The following HERC2 variants were observed in gnomAD, a reference collection of about 807,000 sequenced individuals.
The protein encoded by HERC2 is HECT and RLD domain containing E3 ubiquitin protein ligase 2, also known as E3 ubiquitin-protein ligase HERC2.
Under a neutral mutation model 537.7 loss-of-function variants are expected in HERC2, and 102 were observed. That is an observed-to-expected ratio of 0.19 (90% CI 0.16 to 0.22). The LOEUF (loss-of-function observed/expected upper bound fraction) is 0.22, where lower values mean the gene tolerates loss of function less well. Among genes scored for constraint, HERC2 ranks in the 10% least tolerant of loss-of-function variants. The probability of loss-of-function intolerance (pLI) is 1.00; values close to 1 mark genes in which losing one functional copy is unlikely to be tolerated. For synonymous variants in HERC2, 2,224 were observed against 2,466.2 expected (o/e 0.90, Z 2.91); for missense variants, 4,236 against 6,198.2 (o/e 0.68, Z 10.63).
chr15:28,279,254 T>C (rs929269582), intron 5 of HERC2, among the ~76,000 whole-genome samples: 3 of 151,988 alleles, frequency 2.0e-5, no homozygotes, highest in Non-Finnish European at 2.9e-5. Context: ...CCTCCCAAAG[T>C]GCTGGGATTA....
intron 3 of HERC2, among the ~76,000 whole-genome samples, chr15:28,294,132 T>G (rs1007072934): frequency 6.6e-6 from 1 of 152,180 alleles, no homozygotes; most frequent in African/African-American, 2.4e-5. Flanking sequence ...ACCAAGTAAT[T>G]CTCCAGTTCT....
In HERC2 at chr15:28,196,275, T is replaced by C; in HGVS notation, c.8200A>G (p.Thr2734Ala). Residue 2734 changes from threonine to alanine, a missense_variant, in exon 52 of 93, where the codon ACG becomes GCG. Physicochemically the swap from Thr to Ala is moderately conservative, Grantham distance 58. This residue lies in a region of HERC2 where 606 missense variants were observed against 884.5 expected (regional missense o/e 0.69). Coordinates refer to ENST00000261609, the MANE Select transcript of HERC2 (RefSeq NM_004667.6). ...TTGTGTTTTTTGGTCTTGAAACACG[T>C]TTCACAAAAATCAAAGTCATCACAG... The part of the protein sequence containing the change: ...RNCDDFDFCE[T>A]CFKTKKHNTR... 1 of 1,476,142 alleles carries C rather than the reference T, an allele frequency of 6.8e-7. No homozygotes were observed. Among genetic ancestry groups the C allele is most frequent in the Non-Finnish European group, 9.4e-7 (1 of 1,068,732 alleles). The allele number at this position is 1,476,142 out of a possible 1,614,324, so 91.4% of individuals were successfully genotyped here. A position where few individuals can be genotyped will look rare whatever the true frequency, so the allele number is the denominator to read the frequency against.
chr15:28,263,805 G>A (rs564412596), intron 14 of HERC2, among the ~76,000 whole-genome samples: 29 of 152,132 alleles, frequency 1.9e-4, no homozygotes, highest in African/African-American at 6.7e-4. Flanking sequence ...GCCAAGGCGG[G>A]CGGATCACTT....
chr15:28,160,668 C>G (rs1893500069), intron 69 of HERC2, among the ~76,000 whole-genome samples: 1 of 152,198 alleles, frequency 6.6e-6, no homozygotes, highest in South Asian at 2.1e-4. Flanking sequence ...ATTCCCTGAC[C>G]CCTTGTGCTT....
chr15:28,295,056 A>G (rs1406773065), intron 3 of HERC2, among the ~76,000 whole-genome samples: 1 of 152,066 alleles, frequency 6.6e-6, no homozygotes, highest in Non-Finnish European at 1.5e-5. Flanking sequence ...GCAAATTAAA[A>G]CCACAATGAG....
At chr15:28,243,413 T>C (rs1018591030) in intron 23 of HERC2, among the ~76,000 whole-genome samples, 5 of 152,120 alleles carry the variant, frequency 3.3e-5, no homozygotes, top group Admixed American at 3.3e-4. Context: ...ATTACTTCTG[T>C]TCATCAGAAA....
chr15:28,185,094 T>TA (rs1896176781), intron 56 of HERC2, among the ~76,000 whole-genome samples: 2 of 150,764 alleles, frequency 1.3e-5, no homozygotes, highest in Admixed American at 6.6e-5. Flanking sequence ...CTAGATAAGG[T>TA]AATGTTATAG....
chr15:28,217,446 G>A (rs1041649076), intron 38 of HERC2, among the ~76,000 whole-genome samples: 4 of 152,046 alleles, frequency 2.6e-5, no homozygotes, highest in Non-Finnish European at 4.4e-5. Flanking sequence ...ATGTGCGGAC[G>A]CTCCAGCACA....
intron 44 of HERC2, among the ~76,000 whole-genome samples, chr15:28,208,405 C>A (rs1898720652): frequency 6.6e-6 from 1 of 152,018 alleles, no homozygotes; most frequent in South Asian, 2.1e-4. Context: ...CCACCAGAAC[C>A]TTCTTTCCCT....
At chr15:28,149,454 C>T (rs1445822544) in intron 70 of HERC2, among the ~76,000 whole-genome samples, 3 of 149,960 alleles carry the variant, frequency 2.0e-5, no homozygotes, top group African/African-American at 4.9e-5. Flanking sequence ...GGCTCCTAAC[C>T]GAGAACGTCA....
chr15:28,263,291 C>G (rs2075463024), intron 14 of HERC2, 122 bp from the exon 15 acceptor site: 1 of 1,075,030 alleles, frequency 9.3e-7, no homozygotes, highest in East Asian at 2.6e-5. Context: ...ACATAGTTAA[C>G]ACTACAAGGG....
At chr15:28,220,776 A>C in intron 36 of HERC2, 132 bp from the exon 37 acceptor site, 1 of 696,576 alleles carries the variant, frequency 1.4e-6, no homozygotes, top group Non-Finnish European at 2.5e-6. Flanking sequence ...AGCAGACCTC[A>C]GTTAGGAGGG....
chr15:28,166,934 C>A lies in HERC2; in HGVS notation c.10554+753G>T, dbSNP rs543246199. Among the ~76,000 whole-genome samples, 16 of 152,292 alleles carry A rather than the reference C, an allele frequency of 1.1e-4. No individual in the cohort carries two copies. The East Asian group carries it at 3.1e-3, about 29-fold the overall frequency. ...CCTGATTCTATACAATATAAAAAGA[C>A]AGGTAGGTAGGTAGGTAGAAGACAG... On this transcript the variant is annotated intron_variant, in intron 68 of 92. Transcript: ENST00000261609.
chr15:28,250,987 T>G (rs2075057385), intron 20 of HERC2, among the ~76,000 whole-genome samples: 2 of 152,216 alleles, frequency 1.3e-5, no homozygotes, highest in African/African-American at 4.8e-5. Context: ...ACAAATCTGC[T>G]GTAGAACCAA....
intron 84 of HERC2, 121 bp downstream of exon 84, chr15:28,124,885 C>A: frequency 9.4e-7 from 1 of 1,058,520 alleles, no homozygotes; most frequent in Non-Finnish European, 1.4e-6. Context: ...GTGTGGTTAA[C>A]ATTTACTGAG....
At position 28,122,557 on chromosome 15, in the gene HERC2, G is replaced by A. The variant is rs947476468; in HGVS notation, c.13189-1128C>T. ...AGCCCAGACTCATCCTGCTCCCAGAGGCCCTGCCTGGACCTCAGGGCGGCT... is the reference window on the plus strand; with the variant it reads ...AGCCCAGACTCATCCTGCTCCCAGAAGCCCTGCCTGGACCTCAGGGCGGCT... On this transcript the variant is annotated intron_variant, in intron 85 of 92. Coordinates refer to ENST00000261609, the MANE Select transcript of HERC2 (RefSeq NM_004667.6). The surrounding 1 kb of genome is among the most constrained non-coding windows in gnomAD (Gnocchi z 4.1). Among the ~76,000 whole-genome samples, 11 of 152,088 alleles carry A rather than the reference G, an allele frequency of 7.2e-5. No homozygotes were observed. Among genetic ancestry groups the A allele is most frequent in the African/African-American group, 2.2e-4 (9 of 41,404 alleles).
At chr15:28,186,859 C>T (rs1896357394) in intron 55 of HERC2, 107 bp from the exon 56 acceptor site, 1 of 666,648 alleles carries the variant, frequency 1.5e-6, no homozygotes, top group South Asian at 2.6e-5. Context: ...ACGGTTAGAG[C>T]TCCTTTACTT....
At chr15:28,281,874 G>C (rs926143053) in intron 4 of HERC2, among the ~76,000 whole-genome samples, 1 of 151,872 alleles carries the variant, frequency 6.6e-6, no homozygotes, top group Non-Finnish European at 1.5e-5. Context: ...TGCATTTGCC[G>C]CTTTTAAATA....
chr15:28,206,951 C>T (rs895373257), intron 44 of HERC2, among the ~76,000 whole-genome samples: 18 of 150,004 alleles, frequency 1.2e-4, no homozygotes, highest in Non-Finnish European at 2.4e-4. Context: ...TTGGAGGTTG[C>T]AGCGAGCCAA....
Sources: gnomAD v4.1 joint callset for allele counts (sites outside exome capture counted in the v4.1 genomes callset) on GRCh38, gnomAD v4.1.1 for gene constraint, gnomAD v4.1.1 regional missense constraint, Gnocchi (gnomAD v3.1) non-coding constraint, MANE v1.5 for transcripts, NCBI Gene and HGNC (gene_info 2026-07-23, HGNC 2026-07-21) for gene names.